The following RUVBL1 variants were observed in gnomAD, a reference collection of about 807,000 sequenced individuals.
RUVBL1 encodes the protein RuvB like AAA ATPase 1.
A neutral mutation model predicts 52.4 loss-of-function variants in RUVBL1; 4 were observed. The ratio of observed to expected loss-of-function variants is 0.08; its 90% CI spans 0.04 to 0.17. The LOEUF is 0.17. RUVBL1 is among the 10% of genes least tolerant of loss of function. The pLI, the probability that RUVBL1 is intolerant of heterozygous loss-of-function variation, is 1.00. For missense variants in RUVBL1, 298 were observed against 572.8 expected (o/e 0.52, Z 4.90); for synonymous variants, 217 against 214.4 (o/e 1.01, Z -0.10).
At chr3:128,125,295 G>A (rs920806689), upstream of RUVBL1, among the ~76,000 whole-genome samples, 1 of 152,058 alleles carries the variant, frequency 6.6e-6, no homozygotes, top group South Asian at 2.1e-4. Context: ...GATTACAAGC[G>A]TGAGCCACCG....
rs555464864 is a variant in RUVBL1, at chr3:128,092,651, G to A, written c.1016+4649C>T. ...GCAATGCAAATCAAAACCACAATGA[G>A]ATATTACTTCATTACCCACTAGAAT... On this transcript the variant is annotated intron_variant, in intron 8 of 10. Coordinates refer to ENST00000322623, the MANE Select transcript of RUVBL1 (RefSeq NM_003707.3). Among the ~76,000 whole-genome samples the A allele has an allele frequency of 6.6e-5, 10 of 152,252 alleles. No individual in the cohort carries two copies. The East Asian group carries it at 1.9e-3, about 29-fold the overall frequency.
intron 8 of RUVBL1, among the ~76,000 whole-genome samples, chr3:128,091,612 A>C (rs1942842840): frequency 6.6e-6 from 1 of 152,240 alleles, no homozygotes; most frequent in Admixed American, 6.5e-5. Flanking sequence ...ATACTTCTGG[A>C]AAAGTATCCT....
intron 1 of RUVBL1, among the ~76,000 whole-genome samples, chr3:128,143,583 G>C (rs1213521191): frequency 2.0e-5 from 3 of 152,172 alleles, no homozygotes; most frequent in Admixed American, 6.5e-5. Flanking sequence ...GCCATGGCTG[G>C]TCTCCTCTCC....
chr3:128,069,391 C>G (rs1047206060), intron 9 of RUVBL1: 1 of 1,312,506 alleles, frequency 7.6e-7, no homozygotes. Flanking sequence ...GCATTAGGTC[C>G]CAAAGTCTCA....
rs527441504 is a variant in RUVBL1 at position 128,152,681 on chromosome 3, G to C, written c.-40+522C>G. Among the ~76,000 whole-genome samples, 70 of 152,244 alleles carry C rather than the reference G, an allele frequency of 4.6e-4. 1 individual carries two copies. In the South Asian group the frequency reaches 0.01, roughly 23 times the overall value. Reference sequence around the variant, plus strand: ...GTGTGTCCGGAGTTGGTTTCTTCCAGTGGGTTCCTAGTCTCGCTGACTTCA... The same window carrying C: ...GTGTGTCCGGAGTTGGTTTCTTCCACTGGGTTCCTAGTCTCGCTGACTTCA... On this transcript the variant is annotated intron_variant, in intron 1 of 9. Coordinates refer to the RUVBL1 transcript ENST00000464873.
In RUVBL1 at chr3:128,123,739, G is replaced by C; in HGVS notation, c.-15C>G. On this transcript the variant is annotated 5_prime_UTR_variant, in exon 1 of 11. Coordinates refer to ENST00000322623, the MANE Select transcript of RUVBL1 (RefSeq NM_003707.3). Reference sequence around the variant, plus strand: ...TCAATCTTCATTTTGCAGACGCCGGGAGCTAAAACCAGCGTGGAAAACCAG... The same window carrying C: ...TCAATCTTCATTTTGCAGACGCCGGCAGCTAAAACCAGCGTGGAAAACCAG... 4 of 1,593,472 alleles carry C rather than the reference G, an allele frequency of 2.5e-6. No individual in the cohort carries two copies. The highest frequency in any genetic ancestry group is 2.6e-6 in the Non-Finnish European group (3 of 1,166,540).
chr3:128,107,528 G>T (rs1306650984), intron 3 of RUVBL1, among the ~76,000 whole-genome samples: 1 of 152,150 alleles, frequency 6.6e-6, no homozygotes, highest in African/African-American at 2.4e-5. Flanking sequence ...TTTAAATGTG[G>T]TCATTATCTT....
chr3:128,134,541 C>T (rs1943923883), intron 1 of RUVBL1, among the ~76,000 whole-genome samples: 1 of 150,530 alleles, frequency 6.6e-6, no homozygotes, highest in Non-Finnish European at 1.5e-5. Flanking sequence ...AATCCCAGCA[C>T]TTTGGGAGGC....
At chr3:128,133,896 C>G (rs997726970) in intron 1 of RUVBL1, among the ~76,000 whole-genome samples, 2 of 152,144 alleles carry the variant, frequency 1.3e-5, no homozygotes, top group African/African-American at 4.8e-5. Flanking sequence ...CCTCACCAAA[C>G]AAATGAAATA....
intron 9 of RUVBL1, chr3:128,069,512 C>T (rs1427900667): frequency 1.9e-6 from 3 of 1,613,492 alleles, no homozygotes; most frequent in Non-Finnish European, 2.5e-6. Context: ...GTGGGCTGTG[C>T]ATCGGGGCCC....
chr3:128,116,005 T>C (rs894572833), intron 2 of RUVBL1, among the ~76,000 whole-genome samples: 3 of 151,958 alleles, frequency 2.0e-5, no homozygotes, highest in Admixed American at 6.5e-5. Context: ...TGTGCACCTG[T>C]AGTCCCAGCT....
rs72986262 is a variant in RUVBL1 at position 128,109,255 on chromosome 3, C to T, written c.361+3633G>A. On this transcript the variant is annotated intron_variant, in intron 3 of 10. Coordinates refer to ENST00000322623, the MANE Select transcript of RUVBL1 (RefSeq NM_003707.3). ...AAGTTTGTAATACCTCTGTTTAAAACTGGCACTGGGATGGGTGTAGTGGCT... is the reference window on the plus strand; with the variant it reads ...AAGTTTGTAATACCTCTGTTTAAAATTGGCACTGGGATGGGTGTAGTGGCT... 8.7e-4 allele frequency among the ~76,000 whole-genome samples: 133 copies of T among 152,280 alleles called. 1 individual carries two copies. Among genetic ancestry groups the T allele is most frequent in the African/African-American group, 3.1e-3 (129 of 41,562 alleles).
At chr3:128,072,735 C>G (rs1301727654) in intron 9 of RUVBL1, among the ~76,000 whole-genome samples, 1 of 152,190 alleles carries the variant, frequency 6.6e-6, no homozygotes, top group African/African-American at 2.4e-5. Flanking sequence ...CCTGCTGCCC[C>G]AGGGAAGCAG....
chr3:128,067,828 C>G lies in RUVBL1; in HGVS notation c.940-2608G>C, dbSNP rs1351068951. The G allele has an allele frequency of 5.5e-6, 4 of 725,384 alleles. No individual in the cohort carries two copies. The East Asian group carries it at 1.0e-4, about 18-fold the overall frequency. 44.9% of individuals were successfully genotyped at this position (725,384 alleles called of 1,614,324 possible). On this transcript the variant is annotated intron_variant, in intron 9 of 9. Transcript: ENST00000464873. This position sits in a 1 kb window ranked among gnomAD's most constrained non-coding sequence, Gnocchi z 4.1. ...TCTGAATCCACACTGTAAAGTTAGA[C>G]TTTTTCATATGACTTCCTTGCGGCA...
intron 1 of RUVBL1, among the ~76,000 whole-genome samples, chr3:128,151,294 A>G (rs1417994542): frequency 6.8e-6 from 1 of 146,280 alleles, no homozygotes. Context: ...TATATAAACT[A>G]TATCAAGTGA....
intron 8 of RUVBL1, among the ~76,000 whole-genome samples, chr3:128,091,394 G>A (rs868841232): frequency 6.6e-6 from 1 of 152,182 alleles, no homozygotes; most frequent in Non-Finnish European, 1.5e-5. Flanking sequence ...TTACATTTTG[G>A]TCAATCTGCA....
rs985742439 is a variant in RUVBL1, at chr3:128,153,597, A to G, written c.-434T>C. 3.1e-6 allele frequency: 5 copies of G among 1,588,394 alleles called. No homozygotes were observed. The Admixed American group carries it at 6.8e-5, about 22-fold the overall frequency. Reference sequence around the variant, plus strand: ...CGCTGGCGCGGGCGCTAAGCACCACAGCCTCCACCGCCGCCTTTGACAAGC... The same window carrying G: ...CGCTGGCGCGGGCGCTAAGCACCACGGCCTCCACCGCCGCCTTTGACAAGC... On this transcript the variant is annotated 5_prime_UTR_variant, in exon 1 of 10. Transcript: ENST00000464873.
chr3:128,087,056 G>A (rs1450991412), intron 9 of RUVBL1, among the ~76,000 whole-genome samples: 2 of 152,212 alleles, frequency 1.3e-5, no homozygotes, highest in Non-Finnish European at 1.5e-5. Context: ...ATGCTGTCTC[G>A]CCATCACCTC....
At chr3:128,112,844 C>T (rs1399029082) in intron 3 of RUVBL1, 44 bp downstream of exon 3, 1 of 1,603,336 alleles carries the variant, frequency 6.2e-7, no homozygotes, top group Admixed American at 1.7e-5. Flanking sequence ...GCACAGGCTT[C>T]AGGAAGTGAG....
Sources: allele counts gnomAD v4.1 joint callset (sites outside exome capture counted in the v4.1 genomes callset), GRCh38; gene constraint gnomAD v4.1.1; non-coding constraint Gnocchi (gnomAD v3.1); transcripts MANE v1.5; gene names NCBI Gene and HGNC (gene_info 2026-07-23, HGNC 2026-07-21).